Variants in DNAH14 observed in about 807,000 individuals in gnomAD.
The protein encoded by DNAH14 is axonemal beta dynein heavy chain 14.
A neutral mutation model predicts 520.9 loss-of-function variants in DNAH14; 478 were observed. The ratio of observed to expected loss-of-function variants is 0.92; its 90% CI spans 0.85 to 0.99. DNAH14 has a LOEUF of 0.99. Among genes scored for constraint, DNAH14 ranks in the 50% least tolerant of loss-of-function variants. The probability of loss-of-function intolerance (pLI) is 0.00; values close to 1 mark genes in which losing one functional copy is unlikely to be tolerated. For synonymous variants in DNAH14, 1,581 were observed against 1,757.2 expected, an observed-to-expected ratio of 0.90 and a Z score of 2.51; for missense variants, 4,831 against 5,234.5, an observed-to-expected ratio of 0.92 and a Z score of 2.38.
In DNAH14 at chr1:225,082,626, G is replaced by T; in HGVS notation, c.3214G>T (p.Ala1072Ser). Reference sequence around the variant, plus strand: ...TAAACAAGAGCTGCCTATCATTATAGCTCTGGGAAATCCCTGTCTCAAGCC... The same window carrying T: ...TAAACAAGAGCTGCCTATCATTATATCTCTGGGAAATCCCTGTCTCAAGCC... The part of the protein sequence containing the change: ...EFKQELPIII[A>S]LGNPCLKPRH... The change falls in exon 20 of 86, where the codon GCT becomes TCT. Residue 1072 changes from alanine (A) to serine (S), a missense_variant. Physicochemically the swap from Ala to Ser is moderately conservative, Grantham distance 99 (BLOSUM62 1). Transcript: ENST00000682510. 3.9e-6 allele frequency: 6 copies of T among 1,551,664 alleles called. No individual in the cohort carries two copies. The highest frequency in any genetic ancestry group is 5.2e-6 in the Non-Finnish European group (6 of 1,146,950).
At chr1:225,296,439 CA>C (rs140284894) in intron 55 of DNAH14, among the ~76,000 whole-genome samples, 5,054 of 150,966 alleles carry the variant, frequency 0.033, 82 homozygotes, top group Non-Finnish European at 0.037. Context: ...CTATTTATCT[CA>C]TTTTGTTGAT....
At chr1:225,138,549 A>G (rs765403078) in intron 27 of DNAH14, among the ~76,000 whole-genome samples, 4 of 152,114 alleles carry the variant, frequency 2.6e-5, no homozygotes, top group Non-Finnish European at 5.9e-5. Context: ...GAGCATGCAA[A>G]ACTCCTGGGT....
intron 60 of DNAH14, among the ~76,000 whole-genome samples, chr1:225,315,248 A>G (rs1574711851): frequency 6.6e-6 from 1 of 151,636 alleles, no homozygotes; most frequent in South Asian, 2.1e-4. Context: ...ATATTTGGGT[A>G]TGCTTCACGA....
At chr1:225,195,899 G>A (rs1242664777) in intron 38 of DNAH14, among the ~76,000 whole-genome samples, 1 of 151,816 alleles carries the variant, frequency 6.6e-6, no homozygotes, top group Non-Finnish European at 1.5e-5. Context: ...AATGATGGTG[G>A]GAGTGTTATT....
chr1:225,028,956 G>T (rs977108532), intron 11 of DNAH14, among the ~76,000 whole-genome samples: 4 of 151,812 alleles, frequency 2.6e-5, no homozygotes, highest in Non-Finnish European at 5.9e-5. Flanking sequence ...GCCATTTACC[G>T]CAAAAAGCAG....
intron 42 of DNAH14, 84 bp downstream of exon 42, chr1:225,231,235 A>C: frequency 1.2e-6 from 1 of 863,914 alleles, no homozygotes; most frequent in Non-Finnish European, 1.7e-6. Flanking sequence ...CTTCTCAATA[A>C]ATCAATACTT....
At chr1:225,170,569 C>A (rs2082520221) in intron 36 of DNAH14, among the ~76,000 whole-genome samples, 2 of 152,180 alleles carry the variant, frequency 1.3e-5, no homozygotes, top group Admixed American at 1.3e-4. Flanking sequence ...GAAGACCTAA[C>A]TATCCTAAAT....
intron 43 of DNAH14, chr1:225,250,755 T>A: frequency 2.1e-6 from 1 of 486,648 alleles, no homozygotes; most frequent in Non-Finnish European, 3.8e-6. Context: ...GGCAAAGCAG[T>A]GTAAATGGGC....
intron 1 of DNAH14, among the ~76,000 whole-genome samples, chr1:224,938,867 C>T (rs542382715): frequency 1.3e-5 from 2 of 151,916 alleles, no homozygotes; most frequent in East Asian, 3.9e-4. Flanking sequence ...AAAAAAGAAC[C>T]CTGTCGTTTA....
At chr1:225,038,943 AACAC>A in intron 12 of DNAH14, 120 bp downstream of exon 12, 9 of 783,558 alleles carry the variant, frequency 1.1e-5, no homozygotes, top group South Asian at 4.3e-5. Flanking sequence ...TACCCTCGCC[AACAC>A]ACACACACAC....
intron 1 of DNAH14, among the ~76,000 whole-genome samples, chr1:224,940,013 T>C (rs2059308884): frequency 6.6e-6 from 1 of 152,252 alleles, no homozygotes; most frequent in African/African-American, 2.4e-5. Context: ...CTCTTGATTC[T>C]AGACTGAGCT....
chr1:225,364,032 T>G (rs2095524319), intron 75 of DNAH14, among the ~76,000 whole-genome samples: 1 of 152,170 alleles, frequency 6.6e-6, no homozygotes, highest in South Asian at 2.1e-4. Flanking sequence ...GTCCCTCAAT[T>G]GGGTTTTAGC....
intron 55 of DNAH14, among the ~76,000 whole-genome samples, chr1:225,291,721 A>G (rs566017893): frequency 6.6e-6 from 1 of 152,176 alleles, no homozygotes; most frequent in African/African-American, 2.4e-5. Context: ...CTTTCTCCAC[A>G]TCTTCACCAT....
chr1:225,094,695 CAAAA>C (rs1167390504), intron 21 of DNAH14, among the ~76,000 whole-genome samples: 1 of 92,760 alleles, frequency 1.1e-5, no homozygotes, highest in African/African-American at 2.8e-5. Flanking sequence ...AACAAACAAA[CAAAA>C]AAACGCTATC....
At chr1:225,031,353 A>G (rs2066508724) in intron 11 of DNAH14, among the ~76,000 whole-genome samples, 1 of 152,060 alleles carries the variant, frequency 6.6e-6, no homozygotes, top group African/African-American at 2.4e-5. Flanking sequence ...GTTTTTATAA[A>G]TTAGTTTTGT....
intron 66 of DNAH14, among the ~76,000 whole-genome samples, chr1:225,334,780 G>A (rs2094877307): frequency 6.6e-6 from 1 of 151,572 alleles, no homozygotes; most frequent in Non-Finnish European, 1.5e-5. Flanking sequence ...GAGGTGGGAG[G>A]ATCGCTTGAG....
In DNAH14 at chr1:225,167,824, A is replaced by G. The variant is rs1380978767; in HGVS notation, c.5446-115A>G. On this transcript the variant is annotated intron_variant, in intron 35 of 85. Transcript: ENST00000682510. ...GAGGTTGGTGAACTAAAAAATCAAG[A>G]ATTACTATCTTAAAGAGCGGTAATT... The G allele has an allele frequency of 8.5e-5, 45 of 529,532 alleles. No homozygotes were observed. The East Asian group carries it at 1.4e-3, about 16-fold the overall frequency. The allele number at this position is 529,532 out of a possible 1,614,324, so 32.8% of individuals were successfully genotyped here.
At chr1:225,151,950 C>T (rs1559113845) in intron 31 of DNAH14, 55 bp from the exon 32 acceptor site, 9 of 1,403,662 alleles carry the variant, frequency 6.4e-6, no homozygotes, top group Non-Finnish European at 7.9e-6. Flanking sequence ...ATAGTTTTAA[C>T]ATGCTTTGGA....
intron 48 of DNAH14, among the ~76,000 whole-genome samples, 196 bp downstream of exon 48, chr1:225,265,565 T>G (rs2093082078): frequency 6.6e-6 from 1 of 152,190 alleles, no homozygotes; most frequent in Non-Finnish European, 1.5e-5. Flanking sequence ...TTATACTGAT[T>G]CAGAATTATT....
Sources: gnomAD v4.1 joint callset for allele counts (sites outside exome capture counted in the v4.1 genomes callset) on GRCh38, gnomAD v4.1.1 for gene constraint, MANE v1.5 for transcripts, NCBI Gene and HGNC (gene_info 2026-07-23, HGNC 2026-07-21) for gene names.